ATP2C2: variants seen among roughly 807,000 people sequenced by gnomAD.
The protein encoded by ATP2C2 is calcium-transporting ATPase type 2C member 2.
A neutral mutation model predicts 110.8 loss-of-function variants in ATP2C2; 171 were observed. That is an observed-to-expected ratio of 1.54 (90% CI 1.36 to 1.75). The LOEUF (loss-of-function observed/expected upper bound fraction) is 1.75. Among genes scored for constraint, ATP2C2 ranks in the 40% most tolerant of loss-of-function variants. The pLI is 0.00. For missense variants in ATP2C2, 1,963 were observed against 1,235.0 expected, an observed-to-expected ratio of 1.59 and a Z score of -8.84; for synonymous variants, 804 against 508.4, an observed-to-expected ratio of 1.58 and a Z score of -7.82.
intron 10 of ATP2C2, 83 bp downstream of exon 10, chr16:84,423,346 A>G: frequency 3.9e-6 from 5 of 1,298,576 alleles, no homozygotes; most frequent in South Asian, 1.2e-5. Flanking sequence ...CCGTTTCTCA[A>G]ATATCTTGCT....
At chr16:84,438,334 GCAT>G (rs982777767) in intron 11 of ATP2C2, among the ~76,000 whole-genome samples, 4 of 152,160 alleles carry the variant, frequency 2.6e-5, no homozygotes, top group African/African-American at 9.7e-5. Context: ...CAGGCACCAG[GCAT>G]CATACCTTTC....
At chr16:84,377,206 G>A (rs1035203156) in intron 1 of ATP2C2, among the ~76,000 whole-genome samples, 4 of 152,126 alleles carry the variant, frequency 2.6e-5, no homozygotes, top group African/African-American at 9.7e-5. Context: ...TGGAAGTTGT[G>A]TGCTAAGTCC....
chr16:84,410,923 G>C (rs1191202317), intron 6 of ATP2C2, 158 bp downstream of exon 6: 11 of 705,520 alleles, frequency 1.6e-5, no homozygotes, highest in South Asian at 8.6e-5. Flanking sequence ...CCTGCCAATA[G>C]GTCGCTGTGT....
In ATP2C2 at chr16:84,410,244, A is replaced by T. The variant is rs180825422; in HGVS notation, c.418-324A>T. 4.6e-5 allele frequency among the ~76,000 whole-genome samples: 7 copies of T among 152,230 alleles called. No individual in the cohort carries two copies. The East Asian group carries it at 1.4e-3, about 29-fold the overall frequency. Reference sequence around the variant, plus strand: ...GGCTGGGGTAAGTTCCACATCTGCTATGGAGAAGGGTGTTTGCAGCATGTT... The same window carrying T: ...GGCTGGGGTAAGTTCCACATCTGCTTTGGAGAAGGGTGTTTGCAGCATGTT... On this transcript the variant is annotated intron_variant, in intron 4 of 26. Coordinates refer to ENST00000262429, the MANE Select transcript of ATP2C2 (RefSeq NM_014861.4).
rs758346688 is a variant in ATP2C2, at chr16:84,439,445, G to A, written c.1130G>A (p.Cys377Tyr). 13 of 1,614,166 alleles carry A rather than the reference G, an allele frequency of 8.1e-6. No homozygotes were observed. The highest frequency in any genetic ancestry group is 4.4e-5 in the South Asian group (4 of 91,084). ...VETLGCCSVLCSDKTGTLTAN... is the reference protein window; with the variant it reads ...VETLGCCSVLYSDKTGTLTAN... ...GTACCAGGTTGCTGCAGCGTTCTCT[G>A]TTCTGACAAGACGGGGACTCTGACT... Residue 377 changes from cysteine to tyrosine, a missense_variant, in exon 13 of 27, where the codon TGT (cysteine) becomes TAT (tyrosine). Cys to Tyr is a radical substitution (Grantham distance 194). Coordinates refer to ENST00000262429, the MANE Select transcript of ATP2C2 (RefSeq NM_014861.4).
In ATP2C2 at chr16:84,459,386, G is replaced by T; in HGVS notation, c.2333G>T (p.Ser778Ile). Residue 778 changes from serine (S) to isoleucine (I), a missense_variant and splice_region_variant, in exon 23 of 27, where the codon AGC becomes ATC. Physicochemically the swap from Ser to Ile is moderately radical, Grantham distance 142. Coordinates refer to ENST00000262429, the MANE Select transcript of ATP2C2 (RefSeq NM_014861.4). The part of the protein sequence containing the change: ...NIIMDGPPAQ[S>I]LGVEPVDKDA... ...ATCATGGATGGGCCACCGGCGCAGA[G>T]GTGAGGCAGGGCCGGCTGGGAGCCC... 2 of 1,613,730 alleles carry T rather than the reference G, an allele frequency of 1.2e-6. No individual in the cohort carries two copies. Among genetic ancestry groups the T allele is most frequent in the Non-Finnish European group, 1.7e-6 (2 of 1,179,610 alleles).
At chr16:84,397,655 C>CAAGAAAAAAAAAAAAAAA (rs1905070298) in intron 1 of ATP2C2, among the ~76,000 whole-genome samples, 1 of 63,512 alleles carries the variant, frequency 1.6e-5, no homozygotes, top group Non-Finnish European at 3.5e-5. Flanking sequence ...GCCTGGGTGA[C>CAAGAAAAAAAAAAAAAAA]AAAAAAAAAA....
intron 20 of ATP2C2, among the ~76,000 whole-genome samples, chr16:84,453,724 G>T (rs1390115415): frequency 2.6e-5 from 4 of 152,148 alleles, no homozygotes; most frequent in Non-Finnish European, 5.9e-5. Context: ...CCAAACCTGG[G>T]GATAATTTTA....
Position 84,459,030 on chromosome 16 carries a change from G to A in ATP2C2, c.2148-90G>A, listed in dbSNP as rs1189179820. 1.0e-4 allele frequency: 142 copies of A among 1,384,242 alleles called. 1 individual carries two copies. Among genetic ancestry groups the A allele is most frequent in the South Asian group, 2.0e-4 (17 of 85,204 alleles). 85.7% of individuals were successfully genotyped at this position (1,384,242 alleles called of 1,614,324 possible). ...GCCCAAGTATAACATCAATCTGGGC[G>A]AGTCACCACTGCCCCTTGCAGCAAC... is the stretch of plus-strand genomic sequence containing the variant. On this transcript the variant is annotated intron_variant, in intron 21 of 26. Transcript: ENST00000262429.
At position 84,461,770 on chromosome 16, in the gene ATP2C2, T is replaced by G. The variant is rs1192243652; in HGVS notation, c.2538T>G (p.Phe846Leu). 2 of 1,614,138 alleles carry G rather than the reference T, an allele frequency of 1.2e-6. No individual in the cohort carries two copies. Among genetic ancestry groups the G allele is most frequent in the Non-Finnish European group, 1.7e-6 (2 of 1,179,970 alleles). Residue 846 changes from phenylalanine to leucine, a missense_variant, in exon 25 of 27, where the codon TTT becomes TTG. Phe to Leu is a conservative substitution (Grantham distance 22). Coordinates refer to ENST00000262429, the MANE Select transcript of ATP2C2 (RefSeq NM_014861.4). ...PRTTTMTFTCFVFFDLFNALT... is the reference protein window; with the variant it reads ...PRTTTMTFTCLVFFDLFNALT... ...CCACGACGATGACGTTCACTTGTTT[T>G]GTGTTTTTCGATCTCTTCAACGCCT...
At chr16:84,396,566 A>G (rs1280965710) in intron 1 of ATP2C2, among the ~76,000 whole-genome samples, 1 of 147,046 alleles carries the variant, frequency 6.8e-6, no homozygotes, top group East Asian at 1.9e-4. Context: ...AAAAAAAAAA[A>G]AAAAAAGGAA....
At chr16:84,421,921 C>T (rs2150544212) in intron 7 of ATP2C2, among the ~76,000 whole-genome samples, 1 of 152,054 alleles carries the variant, frequency 6.6e-6, no homozygotes, top group African/African-American at 2.4e-5. Context: ...TTCCCTTTGC[C>T]AGGGTGTGTG....
intron 7 of ATP2C2, among the ~76,000 whole-genome samples, chr16:84,422,073 G>A (rs1033068911): frequency 4.6e-5 from 7 of 152,136 alleles, no homozygotes; most frequent in African/African-American, 1.4e-4. Context: ...AGTGGGCTGC[G>A]TATGTGGGGA....
At chr16:84,422,833 A>ATTTT in intron 9 of ATP2C2, 136 bp downstream of exon 9, 1 of 848,196 alleles carries the variant, frequency 1.2e-6, no homozygotes. Context: ...TAAACATTTA[A>ATTTT]TTTTTTTTTT....
In ATP2C2 at chr16:84,415,602, C is replaced by T. The variant is rs746770145; in HGVS notation, c.624+11C>T. 3 of 1,599,886 alleles carry T rather than the reference C, an allele frequency of 1.9e-6. No homozygotes were observed. The highest frequency in any genetic ancestry group is 2.7e-5 in the African/African-American group (2 of 74,382). ...ATCCGACTCACTGAGGTGAGTGGTT[C>T]CAAACCCTTGTCAATGGGGTATTTG... On this transcript the variant is annotated intron_variant, in intron 7 of 26. Transcript: ENST00000262429.
rs545905235 is a variant in ATP2C2, at chr16:84,445,251, C to T, written c.1402-1078C>T. Among the ~76,000 whole-genome samples, 14 of 151,828 alleles carry T rather than the reference C, an allele frequency of 9.2e-5. No individual in the cohort carries two copies. In the South Asian group the frequency reaches 2.9e-3, roughly 32 times the overall value. ...TGAGACGGAGTCTCGCTCTGTTGCC[C>T]AGGCTGGAGTGCACTGGCTTGATCT... On this transcript the variant is annotated intron_variant, in intron 15 of 26. Coordinates refer to ENST00000262429, the MANE Select transcript of ATP2C2 (RefSeq NM_014861.4).
intron 1 of ATP2C2, among the ~76,000 whole-genome samples, chr16:84,383,787 G>GT (rs58587781): frequency 0.4 from 39,975 of 100,794 alleles, 8,115 homozygotes; most frequent in East Asian, 0.51. Context: ...GGTTTTGTTG[G>GT]TTTTTTTTTT....
chr16:84,392,467 T>C (rs1157314580), intron 1 of ATP2C2, among the ~76,000 whole-genome samples: 1 of 152,128 alleles, frequency 6.6e-6, no homozygotes, highest in Non-Finnish European at 1.5e-5. Flanking sequence ...TTCATCCTTG[T>C]GTTTTTCGTT....
chr16:84,386,176 T>G (rs1015487176), intron 1 of ATP2C2, among the ~76,000 whole-genome samples: 1 of 152,148 alleles, frequency 6.6e-6, no homozygotes, highest in Non-Finnish European at 1.5e-5. Context: ...ACCGGAAGAA[T>G]TATATTTAGA....
Sources: gnomAD v4.1 joint callset for allele counts (sites outside exome capture counted in the v4.1 genomes callset) on GRCh38, gnomAD v4.1.1 for gene constraint, MANE v1.5 for transcripts, NCBI Gene and HGNC (gene_info 2026-07-23, HGNC 2026-07-21) for gene names.